The following RFC1 variants were observed in gnomAD, a reference collection of about 807,000 sequenced individuals.
RFC1 encodes the protein A1 140 kDa subunit.
In RFC1, 37 loss-of-function variants were observed where a neutral mutation model predicts 137.4. The observed-to-expected ratio is 0.27, with a 90% CI of 0.21 to 0.35. The LOEUF (loss-of-function observed/expected upper bound fraction) is 0.35, where lower values mean the gene tolerates loss of function less well. Ranked by LOEUF, RFC1 falls within the 10% of genes least tolerant of loss-of-function variation. RFC1 has a pLI of 1.00. For missense variants in RFC1, 1,205 were observed against 1,358.5 expected (o/e 0.89, Z 1.78); for synonymous variants, 429 against 455.7 (o/e 0.94, Z 0.75).
At chr4:39,298,986 C>G (rs10470875) in intron 21 of RFC1, among the ~76,000 whole-genome samples, 77,912 of 151,930 alleles carry the variant, frequency 0.51, 21,693 homozygotes, top group African/African-American at 0.74. Context: ...CTCTGCAGCA[C>G]TGTGACATGT....
At position 39,316,797 on chromosome 4, in the gene RFC1, C is replaced by T. The variant is rs925734453; in HGVS notation, c.1203+118G>A. On this transcript the variant is annotated intron_variant, in intron 10 of 24. Coordinates refer to ENST00000349703, the MANE Select transcript of RFC1 (RefSeq NM_002913.5). ...TAATTCTTGAAGACAGTAACTGAAGCTTTTCTGTTGCTCATTTTTAATTAT... is the reference window on the plus strand; with the variant it reads ...TAATTCTTGAAGACAGTAACTGAAGTTTTTCTGTTGCTCATTTTTAATTAT... 3 of 605,940 alleles carry T rather than the reference C, an allele frequency of 5.0e-6. No homozygotes were observed. The African/African-American group carries it at 5.6e-5, about 11-fold the overall frequency. 37.5% of individuals were successfully genotyped at this position (605,940 alleles called of 1,614,324 possible).
chr4:39,309,066 C>T, intron 12 of RFC1, 34 bp from the exon 13 acceptor site: 1 of 1,555,300 alleles, frequency 6.4e-7, no homozygotes, highest in Non-Finnish European at 8.6e-7. Flanking sequence ...AAAAAGAAAC[C>T]TGATGAAACA....
At chr4:39,302,701 G>C in intron 17 of RFC1, 36 bp downstream of exon 17, 3 of 1,544,294 alleles carry the variant, frequency 1.9e-6, no homozygotes, top group Non-Finnish European at 2.6e-6. Context: ...AAATAAATAG[G>C]CTAGTGTGAT....
intron 4 of RFC1, among the ~76,000 whole-genome samples, chr4:39,334,737 G>C (rs752438248): frequency 1.3e-5 from 2 of 152,136 alleles, no homozygotes; most frequent in Non-Finnish European, 2.9e-5. Context: ...TGAACACTTA[G>C]ATTTTCCCTC....
intron 2 of RFC1, 126 bp downstream of exon 2, chr4:39,351,222 G>C (rs1434243790): frequency 1.8e-6 from 1 of 557,304 alleles, no homozygotes; most frequent in Admixed American, 9.1e-5. Context: ...CTGCACTACA[G>C]CCTGGGCGAC....
At position 39,302,290 on chromosome 4, in the gene RFC1, C is replaced by T. The variant is rs776437655; in HGVS notation, c.2523G>A (p.Lys841=). 3 of 1,606,498 alleles carry T rather than the reference C, an allele frequency of 1.9e-6. No individual in the cohort carries two copies. The African/African-American group carries it at 4.0e-5, about 21-fold the overall frequency. ...QAKADSHRAK[K]DIKMGPFDVA... ...ACATTTATTTTACCATTTTGATATC[C>T]TTTTTGGCTCTGTGAGAATCAGCTT... is the stretch of plus-strand genomic sequence containing the variant. The change falls in exon 19 of 25, where the codon AAG becomes AAA. Residue 841 remains lysine (K), a synonymous_variant. Transcript: ENST00000349703.
At chr4:39,341,751 A>T in intron 4 of RFC1, 1 of 441,890 alleles carries the variant, frequency 2.3e-6, no homozygotes, top group South Asian at 1.6e-5. Context: ...TAACTCTGGG[A>T]TCCTTACATA....
rs545891004 is a variant in RFC1 at position 39,332,257 on chromosome 4, A to G, written c.332-4501T>C. ...TACAACAAATTGAATACATCCTAGA[A>G]CTCTCTGACCCCTTAGCTTTCAGAG... On this transcript the variant is annotated intron_variant, in intron 4 of 24. Transcript: ENST00000349703. Among the ~76,000 whole-genome samples the G allele has an allele frequency of 2.0e-5, 3 of 151,888 alleles. No homozygotes were observed. In the East Asian group the frequency reaches 5.8e-4, roughly 29 times the overall value.
chr4:39,337,362 G>A (rs1400710925), intron 4 of RFC1, among the ~76,000 whole-genome samples: 1 of 139,650 alleles, frequency 7.2e-6, no homozygotes, highest in African/African-American at 2.7e-5. Flanking sequence ...CAACAAGAGC[G>A]AAACTCCGTC....
At chr4:39,322,993 G>A (rs1430251052) in intron 7 of RFC1, among the ~76,000 whole-genome samples, 1 of 152,134 alleles carries the variant, frequency 6.6e-6, no homozygotes, top group African/African-American at 2.4e-5. Context: ...GCTGAGGCAG[G>A]AGGATCACTT....
Position 39,351,230 on chromosome 4 carries a change from G to A in RFC1, c.132+118C>T, listed in dbSNP as rs867329512. The A allele has an allele frequency of 9.1e-5, 55 of 601,782 alleles. No individual in the cohort carries two copies. The Admixed American group carries it at 1.4e-3, about 15-fold the overall frequency. 37.3% of individuals were successfully genotyped at this position (601,782 alleles called of 1,614,324 possible). On this transcript the variant is annotated intron_variant, in intron 2 of 24. Coordinates refer to ENST00000349703, the MANE Select transcript of RFC1 (RefSeq NM_002913.5). ...TGCACCACTGCACTACAGCCTGGGCGACAGAGCAAGACTCTGTCTCAGGAA... is the reference window on the plus strand; with the variant it reads ...TGCACCACTGCACTACAGCCTGGGCAACAGAGCAAGACTCTGTCTCAGGAA...
intron 1 of RFC1, among the ~76,000 whole-genome samples, chr4:39,359,739 A>G (rs1237643672): frequency 2.6e-5 from 4 of 151,582 alleles, no homozygotes; most frequent in East Asian, 1.9e-4. Context: ...GGAGAATGGC[A>G]TGAACCCGGG....
At chr4:39,359,545 A>G (rs1242160206) in intron 1 of RFC1, among the ~76,000 whole-genome samples, 2 of 152,192 alleles carry the variant, frequency 1.3e-5, no homozygotes. Flanking sequence ...GAATAATACA[A>G]TACGTGGTCG....
chr4:39,348,424 A>AAAAAGAAAAGAGAAGAAAAG (rs1740977680), intron 2 of RFC1, among the ~76,000 whole-genome samples: 1 of 71,780 alleles, frequency 1.4e-5, no homozygotes, highest in Non-Finnish European at 3.0e-5. Context: ...CTCTGTTTCA[A>AAAAAGAAAAGAGAAGAAAAG]AAAAGAAAAG....
intron 2 of RFC1, among the ~76,000 whole-genome samples, chr4:39,348,943 G>A (rs1248307578): frequency 1.3e-5 from 2 of 152,198 alleles, no homozygotes; most frequent in African/African-American, 4.8e-5. Flanking sequence ...ACTTGTTTGG[G>A]ATCCATCACC....
At chr4:39,346,827 A>T (rs1740884779) in intron 2 of RFC1, among the ~76,000 whole-genome samples, 1 of 152,206 alleles carries the variant, frequency 6.6e-6, no homozygotes, top group Admixed American at 6.5e-5. Flanking sequence ...GAAATCCCAA[A>T]TTCTGCCTGT....
chr4:39,288,158 T>C lies in RFC1; in HGVS notation c.*603A>G, dbSNP rs1428363155. ...TTTGCAAATTAATAAGGAAGTAATA[T>C]ACCAACATAATATTTTGCTGTACAA... On this transcript the variant is annotated 3_prime_UTR_variant, in exon 25 of 25. Transcript: ENST00000349703. 3.9e-5 allele frequency: 6 copies of C among 152,218 alleles called. No homozygotes were observed. The highest frequency in any genetic ancestry group is 2.1e-4 in the South Asian group (1 of 4,828). The allele number at this position is 152,218 out of a possible 1,614,324, so 9.4% of individuals were successfully genotyped here.
intron 3 of RFC1, among the ~76,000 whole-genome samples, chr4:39,345,196 A>C (rs1283561817): frequency 6.6e-6 from 1 of 151,806 alleles, no homozygotes; most frequent in Non-Finnish European, 1.5e-5. Context: ...TGTATTTTTA[A>C]CAGAGAAGGG....
intron 2 of RFC1, among the ~76,000 whole-genome samples, chr4:39,349,460 A>C (rs1741073185): frequency 6.6e-6 from 1 of 152,204 alleles, no homozygotes; most frequent in Non-Finnish European, 1.5e-5. Flanking sequence ...TTTCTCCACC[A>C]GTGCTCAATC....
Sources: allele counts gnomAD v4.1 joint callset (sites outside exome capture counted in the v4.1 genomes callset), GRCh38; gene constraint gnomAD v4.1.1; transcripts MANE v1.5; gene names NCBI Gene and HGNC (gene_info 2026-07-23, HGNC 2026-07-21).